STAMBPL1: variants seen among roughly 807,000 people sequenced by gnomAD.
The protein encoded by STAMBPL1 is STAM binding protein like 1, also known as AMSH-like protease.
STAMBPL1 carries 44 observed loss-of-function variants against 52.9 expected under a neutral mutation model. That is an observed-to-expected ratio of 0.83 (90% CI 0.65 to 1.07). The LOEUF is 1.07. Ranked by LOEUF, STAMBPL1 falls within the 50% of genes least tolerant of loss-of-function variation. STAMBPL1 has a pLI of 0.00. For synonymous variants in STAMBPL1, 164 were observed against 177.3 expected (o/e 0.92, Z 0.60); for missense variants, 511 against 520.8 (o/e 0.98, Z 0.18).
intron 8 of STAMBPL1, among the ~76,000 whole-genome samples, chr10:88,917,776 T>A (rs529572930): frequency 6.6e-6 from 1 of 152,266 alleles, no homozygotes; most frequent in East Asian, 1.9e-4. Flanking sequence ...AAATGCCTAA[T>A]ACAGGATAAT....
At chr10:88,920,157 T>C (rs1437490142) in intron 8 of STAMBPL1, among the ~76,000 whole-genome samples, 1 of 152,196 alleles carries the variant, frequency 6.6e-6, no homozygotes, top group African/African-American at 2.4e-5. Flanking sequence ...GGCCTAAAAA[T>C]AGTTTTAAAA....
In STAMBPL1 at chr10:88,913,251, C is replaced by A; in HGVS notation, c.571C>A (p.Arg191=). Residue 191 remains arginine, a synonymous_variant, in exon 6 of 11, where the codon CGA becomes AGA. Coordinates refer to ENST00000371926, the MANE Select transcript of STAMBPL1 (RefSeq NM_020799.4). The part of the protein sequence containing the change: ...EDQLKKQELA[R]GQMRSQQTSG... ...TCAACTCAAGAAGCAAGAGTTAGCC[C>A]GAGGTCAAATGCGAAGTCAGCAAAC... 6.2e-7 allele frequency: 1 copy of A among 1,613,826 alleles called. No individual in the cohort carries two copies. Among genetic ancestry groups the A allele is most frequent in the Non-Finnish European group, 8.5e-7 (1 of 1,179,840 alleles).
intron 8 of STAMBPL1, among the ~76,000 whole-genome samples, chr10:88,920,996 A>G (rs971414650): frequency 2.6e-5 from 4 of 152,318 alleles, no homozygotes; most frequent in Middle Eastern, 3.4e-3. Context: ...TGATAATTAT[A>G]TGAGAATCTA....
intron 1 of STAMBPL1, among the ~76,000 whole-genome samples, chr10:88,890,521 C>G (rs1844652337): frequency 6.6e-6 from 1 of 152,182 alleles, no homozygotes; most frequent in Non-Finnish European, 1.5e-5. Flanking sequence ...GAATCTGAAT[C>G]TGCACATGCA....
At chr10:88,889,472 T>C (rs957124646) in intron 1 of STAMBPL1, among the ~76,000 whole-genome samples, 20 of 152,306 alleles carry the variant, frequency 1.3e-4, no homozygotes, top group Admixed American at 1.2e-3. Flanking sequence ...CTTGCTCATG[T>C]CACTTGCCCA....
chr10:88,902,733 G>C (rs1326744873), intron 2 of STAMBPL1, among the ~76,000 whole-genome samples: 2 of 152,080 alleles, frequency 1.3e-5, no homozygotes, highest in Admixed American at 1.3e-4. Flanking sequence ...ACCACGCCCA[G>C]CTAATTTTTT....
intron 4 of STAMBPL1, 31 bp downstream of exon 4, chr10:88,908,808 T>C: frequency 6.4e-7 from 1 of 1,550,672 alleles, no homozygotes; most frequent in Admixed American, 1.9e-5. Flanking sequence ...CACTGTGGAA[T>C]CAAATGCTCC....
Position 88,923,443 on chromosome 10 carries a change from T to C in STAMBPL1, c.*219T>C. On this transcript the variant is annotated 3_prime_UTR_variant, in exon 11 of 11. Transcript: ENST00000371926. ...ATGGTGTTAAATCGGTACCTGATAA[T>C]GTACCCAAATACTATGGCCAGATAA... 1.6e-6 allele frequency: 2 copies of C among 1,261,062 alleles called. No individual in the cohort carries two copies. Among genetic ancestry groups the C allele is most frequent in the Non-Finnish European group, 1.0e-6 (1 of 1,004,944 alleles). The allele number at this position is 1,261,062 out of a possible 1,614,324, so 78.1% of individuals were successfully genotyped here.
At chr10:88,898,332 G>A (rs1844861694) in intron 1 of STAMBPL1, among the ~76,000 whole-genome samples, 1 of 152,148 alleles carries the variant, frequency 6.6e-6, no homozygotes, top group Admixed American at 6.5e-5. Flanking sequence ...TAATGCTTTA[G>A]TAATATTATG....
At position 88,922,400 on chromosome 10, in the gene STAMBPL1, C is replaced by G; in HGVS notation, c.1218C>G (p.Gly406=). 2 of 1,613,420 alleles carry G rather than the reference C, an allele frequency of 1.2e-6. No individual in the cohort carries two copies. Among genetic ancestry groups the G allele is most frequent in the Non-Finnish European group, 1.7e-6 (2 of 1,179,630 alleles). The part of the protein sequence containing the change: ...MLEVSACKKK[G]FHPHTKEPRL... ...AGGTTTCTGCTTGTAAAAAAAAGGG[C>G]TTTCATCCACACACCAAGGAGCCCA... The change falls in exon 10 of 11, where the codon GGC becomes GGG. Residue 406 remains glycine (G), a synonymous_variant. Coordinates refer to ENST00000371926, the MANE Select transcript of STAMBPL1 (RefSeq NM_020799.4).
At chr10:88,905,313 T>C in intron 2 of STAMBPL1, 130 bp from the exon 3 acceptor site, 2 of 714,090 alleles carry the variant, frequency 2.8e-6, no homozygotes, top group Admixed American at 2.7e-5. Context: ...ATTATATCAT[T>C]AACTTATGAA....
chr10:88,901,150 A>G (rs1325414288), intron 1 of STAMBPL1: 1 of 152,238 alleles, frequency 6.6e-6, no homozygotes, highest in Non-Finnish European at 1.5e-5. Context: ...TCTATTGGTT[A>G]GAAGCCAACT....
intron 3 of STAMBPL1, among the ~76,000 whole-genome samples, chr10:88,905,881 G>T (rs960172701): frequency 1.3e-5 from 2 of 151,972 alleles, no homozygotes; most frequent in African/African-American, 2.4e-5. Context: ...GGAGGCTCAG[G>T]GTTATCAGAT....
rs907857145 is a variant in STAMBPL1, at chr10:88,922,587, A to G, written c.1254+151A>G. 1.7e-5 allele frequency: 11 copies of G among 641,332 alleles called. No individual in the cohort carries two copies. In the African/African-American group the frequency reaches 2.0e-4, roughly 12 times the overall value. The allele number at this position is 641,332 out of a possible 1,614,324, so 39.7% of individuals were successfully genotyped here. ...TCTCAGAAAATTAATCTATCTGTAT[A>G]CTTAATTTCTGATTTATTCTCAAAA... On this transcript the variant is annotated intron_variant, in intron 10 of 10. Transcript: ENST00000371926.
At chr10:88,911,059 A>AT in intron 5 of STAMBPL1, 48 bp downstream of exon 5, 1 of 1,229,378 alleles carries the variant, frequency 8.1e-7, no homozygotes, top group Non-Finnish European at 1.1e-6. Context: ...ATGTACAAGT[A>AT]TTTTTTGAAT....
intron 1 of STAMBPL1, among the ~76,000 whole-genome samples, chr10:88,898,379 C>T (rs1028857679): frequency 1.3e-5 from 2 of 152,112 alleles, no homozygotes; most frequent in African/African-American, 4.8e-5. Context: ...CTGACAGGAT[C>T]GTGGGGAACC....
At chr10:88,881,862 T>C (rs1844414058) in intron 1 of STAMBPL1, among the ~76,000 whole-genome samples, 1 of 152,258 alleles carries the variant, frequency 6.6e-6, no homozygotes, top group South Asian at 2.1e-4. Flanking sequence ...AGCTACACTA[T>C]ACATATCTTT....
intron 4 of STAMBPL1, among the ~76,000 whole-genome samples, chr10:88,910,264 C>T (rs748612914): frequency 3.3e-5 from 5 of 152,132 alleles, no homozygotes. Flanking sequence ...TAATACCGAA[C>T]AGGACTTTCA....
intron 4 of STAMBPL1, 98 bp from the exon 5 acceptor site, chr10:88,910,818 T>C: frequency 5.3e-6 from 4 of 749,100 alleles, no homozygotes; most frequent in Non-Finnish European, 8.4e-6. Context: ...ATGACTTTAT[T>C]TGCAGTATAC....
Sources: gnomAD v4.1 joint callset for allele counts (sites outside exome capture counted in the v4.1 genomes callset) on GRCh38, gnomAD v4.1.1 for gene constraint, MANE v1.5 for transcripts, NCBI Gene and HGNC (gene_info 2026-07-23, HGNC 2026-07-21) for gene names.